Variants in SORCS3 observed in about 807,000 individuals in gnomAD.
SORCS3 encodes the protein VPS10 domain-containing receptor SorCS3.
In SORCS3, 57 loss-of-function variants were observed where a neutral mutation model predicts 146.3. That is an observed-to-expected ratio of 0.39 (90% confidence interval 0.31 to 0.49). SORCS3 has a LOEUF of 0.49. Among genes scored for constraint, SORCS3 ranks in the 20% least tolerant of loss-of-function variants. The pLI, the probability that SORCS3 is intolerant of heterozygous loss-of-function variation, is 0.92. For missense variants in SORCS3, 1,341 were observed against 1,575.5 expected (o/e 0.85, Z 2.52); for synonymous variants, 653 against 618.5 (o/e 1.06, Z -0.83).
rs77011823 is a variant in SORCS3, at chr10:105,151,924, G to A, written c.1482+4128G>A. Among the ~76,000 whole-genome samples the A allele has an allele frequency of 7.5e-4, 114 of 152,174 alleles. 1 individual carries two copies. The East Asian group carries it at 0.019, about 26-fold the overall frequency. On this transcript the variant is annotated intron_variant, in intron 9 of 26. Transcript: ENST00000369701. ...TATCTCTTCTTTGAGATGTCAAGCC[G>A]ACTCCTTCAAAACAAGGCTGGTATT...
Position 105,053,287 on chromosome 10 carries a change from G to C in SORCS3, c.1028+10159G>C, listed in dbSNP as rs545451486. On this transcript the variant is annotated intron_variant, in intron 5 of 26. Transcript: ENST00000369701. ...CAGTCCATAGCAGGATGTAAAACAG[G>C]GAACAACTTGGGAAGGAATGCAAAA... is the stretch of plus-strand genomic sequence containing the variant. Among the ~76,000 whole-genome samples, 18 of 152,084 alleles carry C rather than the reference G, an allele frequency of 1.2e-4. No homozygotes were observed. The East Asian group carries it at 2.5e-3, about 21-fold the overall frequency.
chr10:104,918,945 G>A (rs142357708), intron 3 of SORCS3, among the ~76,000 whole-genome samples: 8 of 152,178 alleles, frequency 5.3e-5, no homozygotes, highest in African/African-American at 1.4e-4. Flanking sequence ...TTTCCTCTTC[G>A]AAAATATCAT....
intron 3 of SORCS3, among the ~76,000 whole-genome samples, chr10:104,970,864 A>G (rs2054856754): frequency 1.3e-5 from 2 of 152,076 alleles, no homozygotes; most frequent in Non-Finnish European, 2.9e-5. Context: ...ACATTGAAAA[A>G]ATCCTGCTAG....
intron 2 of SORCS3, among the ~76,000 whole-genome samples, chr10:104,907,525 G>A (rs1345773060): frequency 6.6e-6 from 1 of 152,212 alleles, no homozygotes; most frequent in Non-Finnish European, 1.5e-5. Flanking sequence ...GTGCTGGGAA[G>A]CTGCTGCTGG....
chr10:104,791,043 A>T (rs2017490570), intron 1 of SORCS3, among the ~76,000 whole-genome samples: 2 of 152,178 alleles, frequency 1.3e-5, no homozygotes, highest in South Asian at 2.1e-4. Flanking sequence ...TGTTTCACAG[A>T]TGAATAAGTG....
chr10:104,849,848 T>G (rs1001295915), intron 2 of SORCS3, among the ~76,000 whole-genome samples: 1 of 152,196 alleles, frequency 6.6e-6, no homozygotes, highest in Admixed American at 6.5e-5. Context: ...TCTAGACTCC[T>G]AGGCACATCA....
intron 1 of SORCS3, among the ~76,000 whole-genome samples, chr10:104,795,198 A>C (rs1466217363): frequency 6.6e-6 from 1 of 152,216 alleles, no homozygotes; most frequent in African/African-American, 2.4e-5. Flanking sequence ...GGGTATGGCT[A>C]CACTTGAAGA....
chr10:105,223,200 G>A lies in SORCS3; in HGVS notation c.2819G>A (p.Ser940Asn). Residue 940 changes from serine to asparagine, a missense_variant, in exon 20 of 27, where the codon AGT (serine) becomes AAT (asparagine). By Grantham distance (46) the Ser-to-Asn change is conservative (BLOSUM62 1). Coordinates refer to ENST00000369701, the MANE Select transcript of SORCS3 (RefSeq NM_014978.3). ...AACATCAGTGCAGTCGTGTGGCCCA[G>A]TCAACTGGGGACCCTTACCTATTTC... is the stretch of plus-strand genomic sequence containing the variant. ...EVNISAVVWP[S>N]QLGTLTYFWW... The A allele has an allele frequency of 6.2e-7, 1 of 1,613,238 alleles. No individual in the cohort carries two copies. The highest frequency in any genetic ancestry group is 1.3e-5 in the African/African-American group (1 of 74,992).
chr10:104,705,224 CGTT>C (rs770351009), intron 1 of SORCS3, among the ~76,000 whole-genome samples: 7 of 66,944 alleles, frequency 1.0e-4, no homozygotes, highest in African/African-American at 2.7e-4. Flanking sequence ...GGCAGGCCTT[CGTT>C]TTTTTTTTTT....
intron 16 of SORCS3, among the ~76,000 whole-genome samples, chr10:105,205,165 G>T (rs554891016): frequency 1.0e-3 from 153 of 152,260 alleles, no homozygotes; most frequent in South Asian, 7.9e-3. Flanking sequence ...GTATCACCTA[G>T]TTCAGTCAGT....
chr10:104,641,551 C>G lies in SORCS3; in HGVS notation c.224C>G (p.Ala75Gly). Residue 75 changes from alanine (A) to glycine (G), a missense_variant, in exon 1 of 27, where the codon GCG (alanine) becomes GGG (glycine). Physicochemically the swap from Ala to Gly is moderately conservative, Grantham distance 60. Transcript: ENST00000369701. The surrounding 1 kb of genome is among the most constrained non-coding windows in gnomAD (Gnocchi z 6.4). ...CAGTGGCCGGAGGAGCTGGCGTCGG[C>G]GCGGAGAGCCGCCGTGCTGGGGCGC... ...ASQWPEELAS[A>G]RRAAVLGRRA... 6.8e-7 allele frequency: 1 copy of G among 1,469,154 alleles called. No individual in the cohort carries two copies. The highest frequency in any genetic ancestry group is 8.9e-7 in the Non-Finnish European group (1 of 1,120,398). The allele number at this position is 1,469,154 out of a possible 1,614,324, so 91.0% of individuals were successfully genotyped here. A position where few individuals can be genotyped will look rare whatever the true frequency, so the allele number is the denominator to read the frequency against.
intron 3 of SORCS3, among the ~76,000 whole-genome samples, chr10:104,944,103 C>T (rs1266255572): frequency 1.3e-5 from 2 of 152,102 alleles, no homozygotes; most frequent in African/African-American, 4.8e-5. Context: ...AAGGGTAACA[C>T]TGAAATGCAG....
At chr10:105,257,916 C>T (rs1179370745) in intron 25 of SORCS3, among the ~76,000 whole-genome samples, 1 of 152,068 alleles carries the variant, frequency 6.6e-6, no homozygotes, top group East Asian at 1.9e-4. Context: ...CCCTGGGAAG[C>T]CTGGGTAAAG....
At chr10:104,780,516 A>C (rs982618791) in intron 1 of SORCS3, among the ~76,000 whole-genome samples, 1 of 151,932 alleles carries the variant, frequency 6.6e-6, no homozygotes, top group African/African-American at 2.4e-5. Context: ...GTAGCTGTTC[A>C]CTCTTCCAAA....
At chr10:105,038,012 T>A (rs2055317260) in intron 4 of SORCS3, among the ~76,000 whole-genome samples, 1 of 152,244 alleles carries the variant, frequency 6.6e-6, no homozygotes, top group Non-Finnish European at 1.5e-5. Flanking sequence ...TCTTTCATAT[T>A]TTCCAGCTGT....
chr10:104,918,330 A>T (rs1464869), intron 3 of SORCS3, among the ~76,000 whole-genome samples: 2 of 151,976 alleles, frequency 1.3e-5, no homozygotes, highest in African/African-American at 4.8e-5. Flanking sequence ...AAAAACTCAC[A>T]TAGCCAGATA....
Position 104,786,746 on chromosome 10 carries a change from T to C in SORCS3, c.628-56046T>C, listed in dbSNP as rs112569398. On this transcript the variant is annotated intron_variant, in intron 1 of 26. Transcript: ENST00000369701. ...TTGCCTCTGTGGGTACTGGCTCCCTTGGTCTGTGACCCACCTCCTGGAATT... is the reference window on the plus strand; with the variant it reads ...TTGCCTCTGTGGGTACTGGCTCCCTCGGTCTGTGACCCACCTCCTGGAATT... Among the ~76,000 whole-genome samples the C allele has an allele frequency of 5.3e-3, 805 of 152,230 alleles. 3 individuals are homozygous for C. The highest frequency in any genetic ancestry group is 0.017 in the African/African-American group (702 of 41,532).
At chr10:105,043,559 C>G (rs2055351510) in intron 5 of SORCS3, among the ~76,000 whole-genome samples, 1 of 152,148 alleles carries the variant, frequency 6.6e-6, no homozygotes, top group Non-Finnish European at 1.5e-5. Context: ...CAAAATGCTT[C>G]TTCTTTCATA....
chr10:105,241,696 G>C (rs2056824481), intron 20 of SORCS3, among the ~76,000 whole-genome samples: 1 of 152,134 alleles, frequency 6.6e-6, no homozygotes, highest in African/African-American at 2.4e-5. Context: ...GGGACAAGAA[G>C]GGCAGGTCAT....
Sources: gnomAD v4.1 joint callset for allele counts (sites outside exome capture counted in the v4.1 genomes callset) on GRCh38, gnomAD v4.1.1 for gene constraint, Gnocchi (gnomAD v3.1) non-coding constraint, MANE v1.5 for transcripts, NCBI Gene and HGNC (gene_info 2026-07-23, HGNC 2026-07-21) for gene names.